The following ZNF704 variants were observed in gnomAD, a reference collection of about 807,000 sequenced individuals.
The protein encoded by ZNF704 is zinc finger protein 704, also known as glucocorticoid induced gene 1.
ZNF704 carries 10 observed loss-of-function variants against 44.7 expected under a neutral mutation model. The observed-to-expected ratio is 0.22, with a 90% CI of 0.14 to 0.38. ZNF704 has a LOEUF of 0.38. Ranked by LOEUF, ZNF704 falls within the 10% of genes least tolerant of loss-of-function variation. The probability of loss-of-function intolerance (pLI) is 1.00; values close to 1 mark genes in which losing one functional copy is unlikely to be tolerated. For synonymous variants in ZNF704, 211 were observed against 207.6 expected (o/e 1.02, Z -0.14); for missense variants, 390 against 545.5 (o/e 0.71, Z 2.84).
At chr8:80,757,319 C>A (rs1172849688) in intron 2 of ZNF704, among the ~76,000 whole-genome samples, 3 of 151,418 alleles carry the variant, frequency 2.0e-5, no homozygotes, top group Non-Finnish European at 4.4e-5. Context: ...TAGTTTTCAG[C>A]AAAAAGGTTT....
chr8:80,688,985 T>C (rs892707059), intron 3 of ZNF704, among the ~76,000 whole-genome samples: 1 of 151,480 alleles, frequency 6.6e-6, no homozygotes, highest in Non-Finnish European at 1.5e-5. Flanking sequence ...AAAAAAGTCT[T>C]CTGGGTGCTC....
At chr8:80,759,466 G>A (rs1807092182) in intron 2 of ZNF704, among the ~76,000 whole-genome samples, 1 of 151,958 alleles carries the variant, frequency 6.6e-6, no homozygotes, top group African/African-American at 2.4e-5. Context: ...CAGGACCTAC[G>A]ACTTGTTTGT....
At chr8:80,776,996 C>G (rs1411554931) in intron 2 of ZNF704, 1 of 152,104 alleles carries the variant, frequency 6.6e-6, no homozygotes, top group African/African-American at 2.4e-5. Context: ...TCAGTTTATT[C>G]TAGGCTTAGG....
chr8:80,757,576 A>G (rs1807057327), intron 2 of ZNF704, among the ~76,000 whole-genome samples: 1 of 152,172 alleles, frequency 6.6e-6, no homozygotes, highest in African/African-American at 2.4e-5. Context: ...GTGTTTATAG[A>G]GTCTCCAGTA....
intron 2 of ZNF704, among the ~76,000 whole-genome samples, chr8:80,787,349 A>G (rs1255070883): frequency 2.6e-5 from 4 of 152,198 alleles, no homozygotes; most frequent in Admixed American, 6.5e-5. Flanking sequence ...CTCACCTTAA[A>G]GGTCTAATCA....
At chr8:80,681,305 T>G (rs1818449410) in intron 4 of ZNF704, among the ~76,000 whole-genome samples, 1 of 152,212 alleles carries the variant, frequency 6.6e-6, no homozygotes, top group African/African-American at 2.4e-5. Context: ...CCAAACTGTT[T>G]TACAAAGTGG....
intron 1 of ZNF704, among the ~76,000 whole-genome samples, chr8:80,862,081 G>T (rs551350709): frequency 5.5e-5 from 7 of 126,986 alleles, no homozygotes; most frequent in African/African-American, 2.2e-4. Flanking sequence ...TTGGCTCACT[G>T]CAACCTCTGC....
intron 2 of ZNF704, among the ~76,000 whole-genome samples, chr8:80,736,867 A>G (rs570022703): frequency 6.6e-6 from 1 of 152,160 alleles, no homozygotes. Context: ...ATTTAAAAAA[A>G]TTGGTGCTTG....
intron 6 of ZNF704, among the ~76,000 whole-genome samples, chr8:80,661,938 A>G (rs1818108518): frequency 6.6e-6 from 1 of 152,126 alleles, no homozygotes; most frequent in Admixed American, 6.5e-5. Context: ...CCTAGAAGAG[A>G]GGACTGGAAA....
intron 2 of ZNF704, among the ~76,000 whole-genome samples, chr8:80,712,326 A>G (rs1352046079): frequency 2.0e-5 from 3 of 152,242 alleles, no homozygotes; most frequent in African/African-American, 7.2e-5. Context: ...CTGTAAGCCA[A>G]ATAAAATTCT....
chr8:80,756,419 A>T (rs1006988471), intron 2 of ZNF704, among the ~76,000 whole-genome samples: 1 of 152,218 alleles, frequency 6.6e-6, no homozygotes, highest in Non-Finnish European at 1.5e-5. Flanking sequence ...AGGTATTGTT[A>T]TCATTTCCAT....
intron 7 of ZNF704, among the ~76,000 whole-genome samples, chr8:80,648,908 G>T (rs1275414040): frequency 6.6e-6 from 1 of 152,120 alleles, no homozygotes; most frequent in Non-Finnish European, 1.5e-5. Flanking sequence ...TCAAAGCCCT[G>T]CTTTTTGCAC....
intron 2 of ZNF704, among the ~76,000 whole-genome samples, chr8:80,752,605 G>C (rs1003634015): frequency 1.3e-5 from 2 of 151,882 alleles, no homozygotes; most frequent in African/African-American, 4.8e-5. Flanking sequence ...GCAATGGTGT[G>C]ATTTTGGCTC....
intron 2 of ZNF704, among the ~76,000 whole-genome samples, chr8:80,724,388 T>C (rs570297756): frequency 2.6e-5 from 4 of 152,362 alleles, no homozygotes; most frequent in African/African-American, 9.6e-5. Flanking sequence ...TTAAAGCTCA[T>C]GCTGGGTTTA....
intron 2 of ZNF704, among the ~76,000 whole-genome samples, chr8:80,748,486 C>T (rs959395045): frequency 1.3e-5 from 2 of 152,212 alleles, no homozygotes; most frequent in Non-Finnish European, 2.9e-5. Flanking sequence ...TCAAATATGA[C>T]TTTAAGAGTT....
At chr8:80,862,630 T>G (rs1436373074) in intron 1 of ZNF704, among the ~76,000 whole-genome samples, 1 of 142,366 alleles carries the variant, frequency 7.0e-6, no homozygotes, top group Non-Finnish European at 1.5e-5. Context: ...TCAAATACGG[T>G]GGCACATGCC....
At chr8:80,793,099 A>G (rs945558331) in intron 2 of ZNF704, among the ~76,000 whole-genome samples, 1 of 152,262 alleles carries the variant, frequency 6.6e-6, no homozygotes, top group Non-Finnish European at 1.5e-5. Flanking sequence ...AAAATGGCAC[A>G]TATGTAGGGA....
chr8:80,850,143 C>G (rs1467436019), intron 1 of ZNF704, among the ~76,000 whole-genome samples: 1 of 152,028 alleles, frequency 6.6e-6, no homozygotes, highest in Non-Finnish European at 1.5e-5. Context: ...TCCTAAAAGT[C>G]ATTTTATATT....
intron 2 of ZNF704, among the ~76,000 whole-genome samples, chr8:80,763,554 TG>T (rs1297438246): frequency 9.9e-5 from 15 of 152,182 alleles, no homozygotes; most frequent in Non-Finnish European, 2.2e-4. Flanking sequence ...CAGGGGGTCC[TG>T]GACCTGGCTC....
Sources: allele counts gnomAD v4.1 joint callset (sites outside exome capture counted in the v4.1 genomes callset), GRCh38; gene constraint gnomAD v4.1.1; transcripts MANE v1.5; gene names NCBI Gene and HGNC (gene_info 2026-07-23, HGNC 2026-07-21).